The following LIPJ variants were observed in gnomAD, a reference collection of about 807,000 sequenced individuals.
LIPJ encodes the protein lipase family member J.
LIPJ carries 33 observed loss-of-function variants against 39.8 expected under a neutral mutation model. That is an observed-to-expected ratio of 0.83 (90% CI 0.63 to 1.11). LIPJ has a LOEUF of 1.11. LIPJ is among the 50% of genes least tolerant of loss of function. LIPJ has a pLI of 0.00. For synonymous variants in LIPJ, 128 were observed against 139.2 expected (o/e 0.92, Z 0.57); for missense variants, 422 against 427.9 (o/e 0.99, Z 0.12).
At chr10:88,582,940 G>A, upstream of LIPJ, 1 of 1,057,222 alleles carries the variant, frequency 9.5e-7, no homozygotes, top group Non-Finnish European at 1.3e-6. Context: ...CGCATGGGCC[G>A]CGCTACACGG....
chr10:88,609,321 C>T (rs1196605111), downstream of LIPJ, among the ~76,000 whole-genome samples: 1 of 152,288 alleles, frequency 6.6e-6, no homozygotes, highest in East Asian at 1.9e-4. Flanking sequence ...TAAACCTTGG[C>T]ACTAAAATAG....
intron 8 of LIPJ, among the ~76,000 whole-genome samples, chr10:88,597,785 T>A (rs1417870654): frequency 6.6e-6 from 1 of 151,886 alleles, no homozygotes; most frequent in East Asian, 1.9e-4. Flanking sequence ...TACTTTCATA[T>A]TCCCTCTTTT....
chr10:88,612,396 T>C, the LIPJ span, among the ~76,000 whole-genome samples: 3 of 152,120 alleles, frequency 2.0e-5, no homozygotes, highest in East Asian at 5.8e-4. Flanking sequence ...TAACATTGAA[T>C]GTAAATGGCC....
exon 8 of LIPJ, chr10:88,596,882 T>C (rs761618782): frequency 6.3e-7 from 1 of 1,592,646 alleles, no homozygotes; most frequent in Non-Finnish European, 8.6e-7. Context: ...TTGATAAGAT[T>C]TGCCTCAATA....
At chr10:88,583,168 C>T, upstream of LIPJ, 5 of 1,613,990 alleles carry the variant, frequency 3.1e-6, no homozygotes, top group Non-Finnish European at 4.2e-6. Context: ...CATCCCGGCG[C>T]CCACGATCAG....
At chr10:88,597,847 A>G (rs948943396) in intron 8 of LIPJ, among the ~76,000 whole-genome samples, 1 of 151,948 alleles carries the variant, frequency 6.6e-6, no homozygotes, top group Non-Finnish European at 1.5e-5. Context: ...GGGGCCTGGA[A>G]GAATCATAAA....
At chr10:88,605,835 G>C in intron 10 of LIPJ, 131 bp downstream of exon 10, 2 of 623,606 alleles carry the variant, frequency 3.2e-6, no homozygotes, top group South Asian at 4.0e-5. Flanking sequence ...TGAAGATAAT[G>C]TTTATTTGGA....
At chr10:88,606,789 C>A in exon 11 of LIPJ, 2 of 1,613,092 alleles carry the variant, frequency 1.2e-6, no homozygotes, top group Non-Finnish European at 1.7e-6. Context: ...TCTGAAATCA[C>A]AAACCACATT....
At chr10:88,602,952 T>G (rs1226644645) in intron 9 of LIPJ, among the ~76,000 whole-genome samples, 1 of 151,892 alleles carries the variant, frequency 6.6e-6, no homozygotes, top group African/African-American at 2.4e-5. Context: ...ATTAGCCAGG[T>G]GTGGTGGCAC....
At chr10:88,611,578 C>T (rs34349331), downstream of LIPJ, among the ~76,000 whole-genome samples, 3 of 152,006 alleles carry the variant, frequency 2.0e-5, no homozygotes, top group African/African-American at 7.2e-5. Context: ...AAACAATTAC[C>T]ACTTCTGGAA....
rs377502097 is a variant in LIPJ, at chr10:88,594,080, G to A, written c.265G>A (p.Gly89Arg). Residue 89 changes from glycine to arginine, a missense_variant, in exon 5 of 11, where the codon GGA becomes AGA. Physicochemically the swap from Gly to Arg is moderately radical, Grantham distance 125 (BLOSUM62 -2). Transcript: ENST00000371939. ...TGATGTGTGGATGGGAAATAGCAGA[G>A]GAAATACCTGGTCCAGGAAACACTT... is the stretch of plus-strand genomic sequence containing the variant. The A allele has an allele frequency of 1.6e-5, 25 of 1,611,966 alleles. No individual in the cohort carries two copies. The African/African-American group carries it at 2.7e-4, about 17-fold the overall frequency.
intron 9 of LIPJ, 92 bp from the exon 10 acceptor site, chr10:88,605,541 C>A: frequency 2.4e-6 from 2 of 817,144 alleles, no homozygotes; most frequent in South Asian, 2.8e-5. Flanking sequence ...AGACCCAGTA[C>A]AATGGGGGTA....
chr10:88,611,388 A>G (rs1378599490), downstream of LIPJ, among the ~76,000 whole-genome samples: 2 of 152,242 alleles, frequency 1.3e-5, no homozygotes, highest in African/African-American at 4.8e-5. Context: ...ATACCAGCTC[A>G]CCAGCAATGG....
At chr10:88,585,713 C>T (rs1372639937), upstream of LIPJ, 2 of 151,910 alleles carry the variant, frequency 1.3e-5, no homozygotes, top group Non-Finnish European at 2.9e-5. Context: ...ATTCTGATAA[C>T]CCACTATCAT....
At chr10:88,599,827 A>G (rs1016236039) in intron 8 of LIPJ, among the ~76,000 whole-genome samples, 6 of 151,642 alleles carry the variant, frequency 4.0e-5, no homozygotes, top group Non-Finnish European at 7.4e-5. Flanking sequence ...TATAGTATTA[A>G]CAATATTTTC....
At chr10:88,585,055 A>C (rs1465305517), upstream of LIPJ, among the ~76,000 whole-genome samples, 1 of 152,232 alleles carries the variant, frequency 6.6e-6, no homozygotes, top group East Asian at 1.9e-4. Context: ...ATTTCTCTGA[A>C]ATTAAAAGCT....
At chr10:88,583,497 G>C, upstream of LIPJ, 1 of 1,232,698 alleles carries the variant, frequency 8.1e-7, no homozygotes, top group Admixed American at 4.0e-5. Context: ...GTGGGCTATT[G>C]TTGGGAGAAC....
At chr10:88,594,354 C>T in intron 5 of LIPJ, 1 of 550,076 alleles carries the variant, frequency 1.8e-6, no homozygotes, top group Non-Finnish European at 3.2e-6. Flanking sequence ...ATCTTTATTT[C>T]TTACTTAGTA....
At chr10:88,582,927 C>A, upstream of LIPJ, 3 of 925,996 alleles carry the variant, frequency 3.2e-6, no homozygotes, top group Non-Finnish European at 4.5e-6. Flanking sequence ...GCGCGCCACT[C>A]GGCGCATGGG....
Sources: allele counts gnomAD v4.1 joint callset (sites outside exome capture counted in the v4.1 genomes callset), GRCh38; gene constraint gnomAD v4.1.1; transcripts MANE v1.5; gene names NCBI Gene and HGNC (gene_info 2026-07-23, HGNC 2026-07-21).